The following ENTHD1 variants were observed in gnomAD, a reference collection of about 807,000 sequenced individuals.
ENTHD1 encodes the protein ENTH domain-containing protein 1.
ENTHD1 carries 23 observed loss-of-function variants against 39.1 expected under a neutral mutation model. The observed-to-expected ratio is 0.59, with a 90% CI of 0.42 to 0.83. The LOEUF is 0.83. Among genes scored for constraint, ENTHD1 ranks in the 40% least tolerant of loss-of-function variants. The pLI, the probability that ENTHD1 is intolerant of heterozygous loss-of-function variation, is 0.00. For synonymous variants in ENTHD1, 230 were observed against 258.2 expected, an observed-to-expected ratio of 0.89 and a Z score of 1.05; for missense variants, 624 against 705.4, an observed-to-expected ratio of 0.88 and a Z score of 1.31.
intron 6 of ENTHD1, among the ~76,000 whole-genome samples, chr22:39,752,081 TAGAC>T (rs1010286374): frequency 6.6e-5 from 10 of 152,068 alleles, no homozygotes; most frequent in South Asian, 2.1e-4. Flanking sequence ...CTATAGAAGA[TAGAC>T]AGATCTCTAT....
chr22:39,791,260 T>C (rs1464866294), intron 5 of ENTHD1, among the ~76,000 whole-genome samples: 3 of 148,050 alleles, frequency 2.0e-5, no homozygotes, highest in Admixed American at 1.4e-4. Context: ...ATTTAGACTA[T>C]AGTCTAGACT....
intron 5 of ENTHD1, among the ~76,000 whole-genome samples, chr22:39,804,452 CAAAAA>C (rs541007024): frequency 3.8e-5 from 3 of 78,060 alleles, no homozygotes; most frequent in Non-Finnish European, 5.4e-5. Flanking sequence ...GACTCTGTCT[CAAAAA>C]AAAAAAAAAA....
chr22:39,873,175 T>A (rs911370075), intron 2 of ENTHD1, among the ~76,000 whole-genome samples: 1 of 152,080 alleles, frequency 6.6e-6, no homozygotes, highest in Admixed American at 6.5e-5. Flanking sequence ...GTTTTTAAAA[T>A]TATACCTTTA....
At chr22:39,850,829 C>G (rs570849157) in intron 3 of ENTHD1, among the ~76,000 whole-genome samples, 2 of 152,196 alleles carry the variant, frequency 1.3e-5, no homozygotes, top group South Asian at 4.2e-4. Flanking sequence ...ACTTACATAC[C>G]GTGGCTACCC....
intron 2 of ENTHD1, chr22:39,875,674 T>C: frequency 6.2e-7 from 1 of 1,612,250 alleles, no homozygotes; most frequent in Admixed American, 1.7e-5. Context: ...TCGCATATGC[T>C]GCCAAGAATG....
chr22:39,892,374 G>A (rs1168297416), intron 1 of ENTHD1, among the ~76,000 whole-genome samples: 2 of 152,184 alleles, frequency 1.3e-5, no homozygotes, highest in Non-Finnish European at 2.9e-5. Flanking sequence ...CAGATGATTT[G>A]TGGAAATTCT....
At chr22:39,863,441 C>T (rs1285118436) in intron 2 of ENTHD1, among the ~76,000 whole-genome samples, 1 of 152,170 alleles carries the variant, frequency 6.6e-6, no homozygotes, top group Non-Finnish European at 1.5e-5. Context: ...ATCTGTGTGA[C>T]TTTCAGTCAG....
At chr22:39,887,957 A>C (rs1027794104) in intron 1 of ENTHD1, 54 bp from the exon 2 acceptor site, 1 of 459,390 alleles carries the variant, frequency 2.2e-6, no homozygotes, top group African/African-American at 2.0e-5. Flanking sequence ...AGTCTATAGA[A>C]GACCAAATCA....
chr22:39,863,765 T>A (rs2146729435), intron 2 of ENTHD1, among the ~76,000 whole-genome samples: 1 of 152,298 alleles, frequency 6.6e-6, no homozygotes, highest in African/African-American at 2.4e-5. Context: ...GTTTTCTAAC[T>A]ATAATTTACT....
intron 3 of ENTHD1, among the ~76,000 whole-genome samples, chr22:39,847,745 TGTATATGACCCCAAAA>T: frequency 6.6e-6 from 1 of 152,274 alleles, no homozygotes; most frequent in African/African-American, 2.4e-5. Context: ...AAAGAACTTT[TGTATATGACCCCAAAA>T]GCACAGAAAA....
At chr22:39,851,614 T>C (rs921538109) in intron 3 of ENTHD1, among the ~76,000 whole-genome samples, 1 of 152,208 alleles carries the variant, frequency 6.6e-6, no homozygotes, top group Non-Finnish European at 1.5e-5. Flanking sequence ...TTCAGTCCCC[T>C]TGAGGGTCTG....
chr22:39,764,491 C>T (rs1349751356), intron 6 of ENTHD1, among the ~76,000 whole-genome samples: 2 of 151,946 alleles, frequency 1.3e-5, no homozygotes, highest in African/African-American at 4.8e-5. Flanking sequence ...ATTTAAAAAG[C>T]TTTATATTTA....
intron 5 of ENTHD1, among the ~76,000 whole-genome samples, chr22:39,781,035 A>G (rs1416566869): frequency 6.6e-6 from 1 of 151,986 alleles, no homozygotes; most frequent in African/African-American, 2.4e-5. Flanking sequence ...TAAAAGGATC[A>G]ACAGACTGCA....
chr22:39,744,714 T>G (rs1039261276), intron 6 of ENTHD1, among the ~76,000 whole-genome samples: 18 of 152,138 alleles, frequency 1.2e-4, no homozygotes, highest in Non-Finnish European at 2.5e-4. Context: ...CTGTAGAGAT[T>G]ATTATGGCAA....
chr22:39,785,423 A>T (rs1443982851), intron 5 of ENTHD1, among the ~76,000 whole-genome samples: 1 of 152,066 alleles, frequency 6.6e-6, no homozygotes, highest in Non-Finnish European at 1.5e-5. Context: ...GTCGGCTTTG[A>T]TCTGCTTTGA....
chr22:39,817,418 T>C (rs1249361455), intron 5 of ENTHD1, among the ~76,000 whole-genome samples: 1 of 152,204 alleles, frequency 6.6e-6, no homozygotes, highest in African/African-American at 2.4e-5. Flanking sequence ...CACATTGACA[T>C]ACACCGAAGG....
chr22:39,856,962 A>G (rs1266224069), intron 3 of ENTHD1, among the ~76,000 whole-genome samples: 1 of 152,206 alleles, frequency 6.6e-6, no homozygotes, highest in Non-Finnish European at 1.5e-5. Flanking sequence ...TAACAGGCTT[A>G]GAACAATGTC....
intron 3 of ENTHD1, among the ~76,000 whole-genome samples, chr22:39,844,800 A>G (rs1017277839): frequency 2.6e-5 from 4 of 152,296 alleles, no homozygotes; most frequent in Admixed American, 2.6e-4. Context: ...CTTATGACGG[A>G]GGAGAGGTGA....
intron 5 of ENTHD1, among the ~76,000 whole-genome samples, chr22:39,806,506 A>T (rs1455836044): frequency 6.6e-6 from 1 of 152,214 alleles, no homozygotes; most frequent in Non-Finnish European, 1.5e-5. Flanking sequence ...AAGCACTGAG[A>T]GGATGGCTGT....
Sources: allele counts gnomAD v4.1 joint callset (sites outside exome capture counted in the v4.1 genomes callset), GRCh38; gene constraint gnomAD v4.1.1; transcripts MANE v1.5; gene names NCBI Gene and HGNC (gene_info 2026-07-23, HGNC 2026-07-21).